Variants in LHX8 observed in about 807,000 individuals in gnomAD.
LHX8 encodes the protein LIM homeobox 8, also known as LIM/homeobox protein Lhx8.
A neutral mutation model predicts 40.3 loss-of-function variants in LHX8; 12 were observed. The ratio of observed to expected loss-of-function variants is 0.30; its 90% CI spans 0.19 to 0.48. LHX8 has a LOEUF of 0.48. Among genes scored for constraint, LHX8 ranks in the 20% least tolerant of loss-of-function variants. LHX8 has a pLI of 0.99. For missense variants in LHX8, 344 were observed against 433.7 expected, an observed-to-expected ratio of 0.79 and a Z score of 1.84; for synonymous variants, 179 against 162.0, an observed-to-expected ratio of 1.10 and a Z score of -0.80.
chr1:75,165,382 A>T (rs1649011014), downstream of LHX8, among the ~76,000 whole-genome samples: 1 of 152,132 alleles, frequency 6.6e-6, no homozygotes, highest in Non-Finnish European at 1.5e-5. Flanking sequence ...AAATTAACAA[A>T]TTTCCCCCAG....
chr1:75,136,053 TA>T (rs1648115470), intron 1 of LHX8, among the ~76,000 whole-genome samples: 1 of 152,234 alleles, frequency 6.6e-6, no homozygotes, highest in Non-Finnish European at 1.5e-5. Flanking sequence ...TCAAGTATCC[TA>T]TTAAACCTCT....
intron 6 of LHX8, among the ~76,000 whole-genome samples, chr1:75,144,976 A>T (rs530865720): frequency 3.1e-4 from 47 of 152,166 alleles, no homozygotes; most frequent in Non-Finnish European, 6.0e-4. Flanking sequence ...CCTTGATGTG[A>T]CACACATATT....
the LHX8 span, among the ~76,000 whole-genome samples, chr1:75,184,842 T>G: frequency 2.7e-5 from 4 of 145,796 alleles, no homozygotes; most frequent in Admixed American, 2.0e-4. Flanking sequence ...TTTGGAAAAT[T>G]AATAAAATAG....
intron 2 of LHX8, 113 bp downstream of exon 2, chr1:75,136,802 A>G (rs961086842): frequency 1.7e-5 from 10 of 575,856 alleles, no homozygotes; most frequent in Middle Eastern, 5.3e-4. Flanking sequence ...CTCCTGCAGC[A>G]GACAGAGGAC....
upstream of LHX8, chr1:75,131,079 A>G: frequency 2.5e-6 from 1 of 397,200 alleles, no homozygotes; most frequent in Non-Finnish European, 4.7e-6. Flanking sequence ...GGTCCGCAAG[A>G]GCAGGGCTCT....
At chr1:75,155,514 G>T (rs1208427129) in intron 7 of LHX8, among the ~76,000 whole-genome samples, 1 of 152,064 alleles carries the variant, frequency 6.6e-6, no homozygotes, top group Non-Finnish European at 1.5e-5. Flanking sequence ...GATTACAGGA[G>T]TGAGCCACTG....
intron 7 of LHX8, among the ~76,000 whole-genome samples, chr1:75,152,254 G>A (rs912017775): frequency 6.6e-6 from 1 of 152,168 alleles, no homozygotes; most frequent in Non-Finnish European, 1.5e-5. Context: ...GGTGTGATAC[G>A]TGGAGAGTTT....
At chr1:75,170,221 C>T in the LHX8 span, among the ~76,000 whole-genome samples, 1 of 152,116 alleles carries the variant, frequency 6.6e-6, no homozygotes, top group Admixed American at 6.5e-5. Context: ...AGACCAGTCA[C>T]CTTGTATGGT....
the LHX8 span, among the ~76,000 whole-genome samples, chr1:75,188,860 CA>C: frequency 4.6e-5 from 7 of 152,306 alleles, no homozygotes; most frequent in East Asian, 1.4e-3. Context: ...CTTTCAGCCC[CA>C]CTATCAGACT....
At chr1:75,172,041 C>A in the LHX8 span, among the ~76,000 whole-genome samples, 4 of 152,204 alleles carry the variant, frequency 2.6e-5, no homozygotes, top group African/African-American at 9.6e-5. Flanking sequence ...AGCTGCTTGT[C>A]TCATCCCTGG....
the LHX8 span, among the ~76,000 whole-genome samples, chr1:75,181,976 T>C: frequency 6.6e-6 from 1 of 152,256 alleles, no homozygotes; most frequent in Non-Finnish European, 1.5e-5. Context: ...ATTATTTCTT[T>C]TGCTGTACAG....
chr1:75,171,713 A>C, the LHX8 span, among the ~76,000 whole-genome samples: 1 of 152,176 alleles, frequency 6.6e-6, no homozygotes, highest in East Asian at 1.9e-4. Flanking sequence ...GTGAGCAGGA[A>C]GGTAACACCA....
the LHX8 span, among the ~76,000 whole-genome samples, chr1:75,190,018 C>T: frequency 2.0e-5 from 3 of 152,166 alleles, no homozygotes; most frequent in African/African-American, 4.8e-5. Flanking sequence ...TCCAGTTGCT[C>T]ACAGCCAAAG....
At chr1:75,198,747 T>C in the LHX8 span, among the ~76,000 whole-genome samples, 3 of 152,172 alleles carry the variant, frequency 2.0e-5, no homozygotes, top group African/African-American at 7.2e-5. Flanking sequence ...TTTCATAATT[T>C]TTTTCCTCTT....
chr1:75,144,241 G>C (rs12074123), intron 6 of LHX8, among the ~76,000 whole-genome samples: 1 of 152,036 alleles, frequency 6.6e-6, no homozygotes, highest in Non-Finnish European at 1.5e-5. Flanking sequence ...TGATTGCATC[G>C]TTCTGAACCA....
the LHX8 span, among the ~76,000 whole-genome samples, chr1:75,186,473 A>G: frequency 6.6e-6 from 1 of 152,136 alleles, no homozygotes; most frequent in Non-Finnish European, 1.5e-5. Context: ...GGTGCTTCTG[A>G]TTTCTTGCTC....
At chr1:75,129,580 G>A (rs1242007036), upstream of LHX8, among the ~76,000 whole-genome samples, 7 of 152,160 alleles carry the variant, frequency 4.6e-5, no homozygotes, top group Non-Finnish European at 1.0e-4. Context: ...CTTGAGCTGA[G>A]GGTTCCCTTA....
At chr1:75,191,719 A>G in the LHX8 span, among the ~76,000 whole-genome samples, 1 of 152,248 alleles carries the variant, frequency 6.6e-6, no homozygotes, top group Non-Finnish European at 1.5e-5. Context: ...GAAGATGGTC[A>G]TTAGAAATGA....
upstream of LHX8, chr1:75,130,638 G>C: frequency 1.6e-6 from 2 of 1,288,588 alleles, no homozygotes; most frequent in Non-Finnish European, 2.3e-6. Context: ...ACTGTGGGTA[G>C]CAAGGTATAA....
Sources: gnomAD v4.1 joint callset for allele counts (sites outside exome capture counted in the v4.1 genomes callset) on GRCh38, gnomAD v4.1.1 for gene constraint, MANE v1.5 for transcripts, NCBI Gene and HGNC (gene_info 2026-07-23, HGNC 2026-07-21) for gene names.